PTCD2: variants seen among roughly 807,000 people sequenced by gnomAD.
The protein encoded by PTCD2 is pentatricopeptide repeat-containing protein 2, mitochondrial.
A neutral mutation model predicts 42.6 loss-of-function variants in PTCD2; 31 were observed. That is an observed-to-expected ratio of 0.73 (90% confidence interval 0.55 to 0.98). The LOEUF (loss-of-function observed/expected upper bound fraction) is 0.98, where lower values mean the gene tolerates loss of function less well. Among genes scored for constraint, PTCD2 ranks in the 50% least tolerant of loss-of-function variants. The pLI, the probability that PTCD2 is intolerant of heterozygous loss-of-function variation, is 0.00. For missense variants in PTCD2, 476 were observed against 454.8 expected (o/e 1.05, Z -0.42); for synonymous variants, 183 against 170.9 (o/e 1.07, Z -0.55).
rs1753176441 is a variant in PTCD2, at chr5:72,365,391, G to C, written c.*6964G>C. On this transcript the variant is annotated 3_prime_UTR_variant, in exon 10 of 10. Coordinates refer to ENST00000380639, the MANE Select transcript of PTCD2 (RefSeq NM_024754.5). The stretch of plus-strand genomic sequence containing the variant: ...ACCCAGAAGAGCACAGCATCACCCT[G>C]TCTTTCAATCCCCAAAGTAGCCCTT... 1 of 152,192 alleles carries C rather than the reference G, an allele frequency of 6.6e-6. No individual in the cohort carries two copies. Among genetic ancestry groups the C allele is most frequent in the Non-Finnish European group, 1.5e-5 (1 of 68,070 alleles). The allele number at this position is 152,192 out of a possible 1,614,324, so 9.4% of individuals were successfully genotyped here. A position where few individuals can be genotyped will look rare whatever the true frequency, so the allele number is the denominator to read the frequency against.
chr5:72,336,556 A>G (rs1160788333), intron 6 of PTCD2, among the ~76,000 whole-genome samples: 1 of 152,086 alleles, frequency 6.6e-6, no homozygotes, highest in Admixed American at 6.5e-5. Flanking sequence ...TATCAATACA[A>G]AAAATTAGCC....
chr5:72,354,840 A>T (rs1244259293), intron 9 of PTCD2, among the ~76,000 whole-genome samples: 1 of 152,238 alleles, frequency 6.6e-6, no homozygotes, highest in Admixed American at 6.5e-5. Context: ...AATTTCCATC[A>T]CTAGACAACT....
At position 72,359,610 on chromosome 5, in the gene PTCD2, G is replaced by A. The variant is rs1418070820; in HGVS notation, c.*1183G>A. 6.6e-6 allele frequency: 1 copy of A among 152,200 alleles called. No homozygotes were observed. Among genetic ancestry groups the A allele is most frequent in the Admixed American group, 6.5e-5 (1 of 15,282 alleles). The allele number at this position is 152,200 out of a possible 1,614,324, so 9.4% of individuals were successfully genotyped here. A position where few individuals can be genotyped will look rare whatever the true frequency, so the allele number is the denominator to read the frequency against. Reference sequence around the variant, plus strand: ...TAATTCCTTCATCTTTCAGGTTAAGGAAACGATCCATGCAAGAGAGGCCCA... The same window carrying A: ...TAATTCCTTCATCTTTCAGGTTAAGAAAACGATCCATGCAAGAGAGGCCCA... On this transcript the variant is annotated 3_prime_UTR_variant, in exon 10 of 10. Transcript: ENST00000380639.
intron 9 of PTCD2, 102 bp from the exon 10 acceptor site, chr5:72,358,101 C>T: frequency 9.4e-7 from 1 of 1,061,478 alleles, no homozygotes; most frequent in Non-Finnish European, 1.4e-6. Context: ...GCCTGGCCTA[C>T]CATACATTTT....
intron 3 of PTCD2, among the ~76,000 whole-genome samples, chr5:72,329,386 A>G (rs1443458646): frequency 2.0e-5 from 3 of 152,228 alleles, no homozygotes; most frequent in Admixed American, 2.0e-4. Context: ...GAGCATCTTA[A>G]TACCCTCGTT....
chr5:72,327,942 A>G (rs1751234368), intron 3 of PTCD2, among the ~76,000 whole-genome samples: 2 of 152,226 alleles, frequency 1.3e-5, no homozygotes, highest in African/African-American at 2.4e-5. Context: ...ATCTAAATGT[A>G]TATTTTTCTG....
chr5:72,324,466 T>A (rs938153550), intron 2 of PTCD2, among the ~76,000 whole-genome samples: 5 of 152,202 alleles, frequency 3.3e-5, no homozygotes, highest in African/African-American at 7.2e-5. Context: ...CACCTGTCAT[T>A]CCCAGTTCTG....
intron 3 of PTCD2, among the ~76,000 whole-genome samples, chr5:72,329,736 T>C (rs1209447146): frequency 1.3e-5 from 2 of 152,180 alleles, no homozygotes; most frequent in Admixed American, 6.5e-5. Context: ...GGTTCTCTTC[T>C]TCCTTCCATT....
rs955866155 is a variant in PTCD2 at position 72,362,313 on chromosome 5, C to T, written c.*3886C>T. On this transcript the variant is annotated 3_prime_UTR_variant, in exon 10 of 10. Coordinates refer to ENST00000380639, the MANE Select transcript of PTCD2 (RefSeq NM_024754.5). Reference sequence around the variant, plus strand: ...AACAAGCCCAAAGAAATTTGGTCACCCCTTCCTTTAAGCGAGGTCATGGCA... The same window carrying T: ...AACAAGCCCAAAGAAATTTGGTCACTCCTTCCTTTAAGCGAGGTCATGGCA... The T allele has an allele frequency of 2.6e-5, 4 of 152,136 alleles. No individual in the cohort carries two copies. Among genetic ancestry groups the T allele is most frequent in the Admixed American group, 6.5e-5 (1 of 15,272 alleles). 9.4% of individuals were successfully genotyped at this position (152,136 alleles called of 1,614,324 possible).
intron 3 of PTCD2, among the ~76,000 whole-genome samples, chr5:72,328,638 G>A (rs1288206567): frequency 2.0e-5 from 3 of 151,820 alleles, no homozygotes; most frequent in South Asian, 2.1e-4. Context: ...TTTCACAGAT[G>A]TAAAGATTTC....
intron 6 of PTCD2, 70 bp downstream of exon 6, chr5:72,335,955 A>G: frequency 3.6e-6 from 3 of 828,852 alleles, no homozygotes; most frequent in South Asian, 1.7e-5. Context: ...TCTTCTCTCT[A>G]CAAATAAAAT....
At chr5:72,349,795 G>A (rs747450445) in intron 8 of PTCD2, among the ~76,000 whole-genome samples, 21 of 152,158 alleles carry the variant, frequency 1.4e-4, no homozygotes, top group African/African-American at 3.9e-4. Flanking sequence ...TTTGAGATAA[G>A]CCCCTAGCTT....
rs192030157 is a variant in PTCD2 at position 72,344,361 on chromosome 5, A to T, written c.828+1325A>T. On this transcript the variant is annotated intron_variant, in intron 8 of 9. Coordinates refer to ENST00000380639, the MANE Select transcript of PTCD2 (RefSeq NM_024754.5). ...ACCCCATCTCTACCAAAATACAAAA[A>T]ATTAGCCAGGCATGGTGGCACTTGC... 1.5e-3 allele frequency among the ~76,000 whole-genome samples: 235 copies of T among 152,212 alleles called. 1 individual carries two copies. The highest frequency in any genetic ancestry group is 2.8e-3 in the Admixed American group (43 of 15,296).
chr5:72,342,227 G>A (rs563702073), intron 7 of PTCD2, among the ~76,000 whole-genome samples: 197 of 152,190 alleles, frequency 1.3e-3, no homozygotes, highest in African/African-American at 4.6e-3. Flanking sequence ...CCAGAGTTTT[G>A]TCTACAAGTA....
chr5:72,334,585 C>T (rs1360641933), intron 4 of PTCD2, among the ~76,000 whole-genome samples: 1 of 151,976 alleles, frequency 6.6e-6, no homozygotes, highest in Non-Finnish European at 1.5e-5. Context: ...GGAGTCTCGC[C>T]CTGTCACCCA....
chr5:72,344,774 G>A (rs893173505), intron 8 of PTCD2, among the ~76,000 whole-genome samples: 19 of 152,112 alleles, frequency 1.2e-4, no homozygotes, highest in Admixed American at 7.9e-4. Flanking sequence ...GGCAGGTTCC[G>A]TGATGCCCCG....
chr5:72,336,320 A>C (rs1751738840), intron 6 of PTCD2, among the ~76,000 whole-genome samples: 1 of 152,128 alleles, frequency 6.6e-6, no homozygotes, highest in South Asian at 2.1e-4. Context: ...TCACCTCCAG[A>C]TATCCCTTAA....
rs1041559206 is a variant in PTCD2 at position 72,360,214 on chromosome 5, A to G, written c.*1787A>G. ...TGTCTGGTGTTTTGCACATGCAAAA[A>G]AAAAAAAAAAAGTGCTTGGATTTCT... is the stretch of plus-strand genomic sequence containing the variant. On this transcript the variant is annotated 3_prime_UTR_variant, in exon 10 of 10. Coordinates refer to ENST00000380639, the MANE Select transcript of PTCD2 (RefSeq NM_024754.5). 1 of 151,992 alleles carries G rather than the reference A, an allele frequency of 6.6e-6. No individual in the cohort carries two copies. Among genetic ancestry groups the G allele is most frequent in the African/African-American group, 2.4e-5 (1 of 41,400 alleles). 9.4% of individuals were successfully genotyped at this position (151,992 alleles called of 1,614,324 possible).
At chr5:72,347,391 G>T (rs141887279) in intron 8 of PTCD2, among the ~76,000 whole-genome samples, 12 of 152,316 alleles carry the variant, frequency 7.9e-5, no homozygotes, top group Admixed American at 4.6e-4. Flanking sequence ...ACAGTTACAA[G>T]AATCTGGTAA....
Sources: allele counts gnomAD v4.1 joint callset (sites outside exome capture counted in the v4.1 genomes callset), GRCh38; gene constraint gnomAD v4.1.1; transcripts MANE v1.5; gene names NCBI Gene and HGNC (gene_info 2026-07-23, HGNC 2026-07-21).